EYS: variants seen among roughly 807,000 people sequenced by gnomAD.
EYS encodes the protein EGF-like photoreceptor maintenance factor.
A neutral mutation model predicts 282.1 loss-of-function variants in EYS; 250 were observed. That is an observed-to-expected ratio of 0.89 (90% CI 0.80 to 0.98). The LOEUF is 0.98. Among genes scored for constraint, EYS ranks in the 50% least tolerant of loss-of-function variants. The pLI is 0.00. For missense variants in EYS, 4,016 were observed against 3,709.0 expected, an observed-to-expected ratio of 1.08 and a Z score of -2.15; for synonymous variants, 1,355 against 1,282.9, an observed-to-expected ratio of 1.06 and a Z score of -1.20.
chr6:65,041,119 C>G (rs2150149166), intron 13 of EYS, among the ~76,000 whole-genome samples: 1 of 151,754 alleles, frequency 6.6e-6, no homozygotes, highest in African/African-American at 2.4e-5. Flanking sequence ...ATCTGCTCAT[C>G]CATATTCTCA....
intron 29 of EYS, among the ~76,000 whole-genome samples, chr6:64,370,596 T>C (rs975764017): frequency 2.0e-5 from 3 of 152,168 alleles, no homozygotes; most frequent in African/African-American, 7.2e-5. Context: ...GTATTAATAG[T>C]ACCAGCTCTT....
At position 64,590,522 on chromosome 6, in the gene EYS, G is replaced by A. The variant is rs1398903802; in HGVS notation, c.5345C>T (p.Pro1782Leu). 6.4e-7 allele frequency: 1 copy of A among 1,551,418 alleles called. No individual in the cohort carries two copies. Among genetic ancestry groups the A allele is most frequent in the Non-Finnish European group, 8.7e-7 (1 of 1,146,818 alleles). Residue 1782 changes from proline to leucine, a missense_variant, in exon 26 of 43, where the codon CCT becomes CTT. Transcript: ENST00000503581. ...ATTGGTGGTGACTTCTGAAAAATCAGGCACTGAGCCTGTCAATGGTGGCAG... is the reference window on the plus strand; with the variant it reads ...ATTGGTGGTGACTTCTGAAAAATCAAGCACTGAGCCTGTCAATGGTGGCAG... ...NNLPPLTGSV[P>L]DFSEVTTNVA...
At chr6:64,635,412 G>A (rs1767939784) in intron 22 of EYS, among the ~76,000 whole-genome samples, 1 of 152,144 alleles carries the variant, frequency 6.6e-6, no homozygotes, top group Non-Finnish European at 1.5e-5. Flanking sequence ...GTTTTCAAAG[G>A]GAATGCTTCC....
chr6:65,365,166 G>A (rs11751486), intron 8 of EYS, among the ~76,000 whole-genome samples: 102,736 of 151,414 alleles, frequency 0.68, 35,094 homozygotes, highest in South Asian at 0.71. Context: ...TGTTCTTATA[G>A]CAGAAGTAAG....
intron 14 of EYS, among the ~76,000 whole-genome samples, chr6:64,978,663 G>C (rs1770553069): frequency 6.6e-6 from 1 of 151,908 alleles, no homozygotes; most frequent in African/African-American, 2.4e-5. Context: ...TTCTGGAAAA[G>C]ATTCACAATT....
chr6:63,904,880 T>C (rs1009141470), intron 35 of EYS, among the ~76,000 whole-genome samples: 1 of 152,264 alleles, frequency 6.6e-6, no homozygotes, highest in Non-Finnish European at 1.5e-5. Flanking sequence ...AGGCCTCTTT[T>C]GCATCTGTGG....
At chr6:64,422,061 C>T (rs1774253277) in intron 28 of EYS, among the ~76,000 whole-genome samples, 1 of 152,018 alleles carries the variant, frequency 6.6e-6, no homozygotes, top group African/African-American at 2.4e-5. Flanking sequence ...AAGGACAGCA[C>T]CTTACAACAA....
chr6:64,988,433 G>T (rs2150120852), intron 14 of EYS, among the ~76,000 whole-genome samples: 1 of 151,660 alleles, frequency 6.6e-6, no homozygotes, highest in Non-Finnish European at 1.5e-5. Flanking sequence ...CTGGGCATGA[G>T]TATAGACTCT....
intron 1 of EYS, among the ~76,000 whole-genome samples, chr6:65,684,164 T>C (rs568038427): frequency 1.3e-5 from 2 of 152,128 alleles, no homozygotes; most frequent in East Asian, 1.9e-4. Flanking sequence ...ATTTATTGTC[T>C]TCAAATTCTG....
At position 64,591,873 on chromosome 6, in the gene EYS, C is replaced by A; in HGVS notation, c.3994G>T (p.Glu1332Ter). 6.4e-7 allele frequency: 1 copy of A among 1,551,126 alleles called. No individual in the cohort carries two copies. The highest frequency in any genetic ancestry group is 1.2e-5 in the South Asian group (1 of 84,034). Residue 1332 changes from glutamate (E) to a stop codon, truncating the protein, a stop_gained, in exon 26 of 43, where the codon GAG becomes TAG. Coordinates refer to ENST00000503581, the MANE Select transcript of EYS (RefSeq NM_001142800.2). LOFTEE classifies it high-confidence loss of function. ...YLLQELIVTR[E>*]LSAKHSLLSS... ...AGAAGACTGTGTTTTGCTGAAAGCTCTCTAGTGACAATCAGTTCTTGGAGT... is the reference window on the plus strand; with the variant it reads ...AGAAGACTGTGTTTTGCTGAAAGCTATCTAGTGACAATCAGTTCTTGGAGT...
At chr6:64,734,331 TA>T (rs1183928737) in intron 22 of EYS, among the ~76,000 whole-genome samples, 3 of 152,184 alleles carry the variant, frequency 2.0e-5, no homozygotes, top group African/African-American at 7.2e-5. Context: ...AGCATGTTTT[TA>T]TTTTTTTTTT....
In EYS at chr6:65,305,293, G is replaced by A. The variant is rs544283600; in HGVS notation, c.1767-9174C>T. Among the ~76,000 whole-genome samples, 3 of 152,276 alleles carry A rather than the reference G, an allele frequency of 2.0e-5. No individual in the cohort carries two copies. In the South Asian group the frequency reaches 6.2e-4, roughly 32 times the overall value. On this transcript the variant is annotated intron_variant, in intron 11 of 42. Coordinates refer to ENST00000503581, the MANE Select transcript of EYS (RefSeq NM_001142800.2). ...CTCCTTGAGGTGTTTGTCAGTTTTGGCTTTTTTCTCCTTTGTTGTATTCTT... is the reference window on the plus strand; with the variant it reads ...CTCCTTGAGGTGTTTGTCAGTTTTGACTTTTTTCTCCTTTGTTGTATTCTT...
chr6:63,826,844 G>GCAAAAAAAAAAAAAAAAAAAAAA (rs1771474910), intron 36 of EYS, among the ~76,000 whole-genome samples: 1 of 6,110 alleles, frequency 1.6e-4, no homozygotes, highest in Non-Finnish European at 3.3e-4. Flanking sequence ...AAGTTAAAAA[G>GCAAAAAAAAAAAAAAAAAAAAAA]CAAAAAAAAA....
chr6:63,855,502 G>T (rs970398139), intron 36 of EYS, among the ~76,000 whole-genome samples: 6 of 152,154 alleles, frequency 3.9e-5, no homozygotes, highest in Admixed American at 1.3e-4. Flanking sequence ...CTAAGTATAG[G>T]TGTAGTAGTA....
intron 13 of EYS, among the ~76,000 whole-genome samples, chr6:64,998,459 T>C (rs2150126279): frequency 6.6e-6 from 1 of 152,324 alleles, no homozygotes; most frequent in East Asian, 1.9e-4. Flanking sequence ...GCTTAGGTCT[T>C]CAGTGGCAAC....
chr6:64,889,922 T>C (rs2150065121), intron 18 of EYS, among the ~76,000 whole-genome samples: 1 of 152,086 alleles, frequency 6.6e-6, no homozygotes, highest in East Asian at 1.9e-4. Context: ...GTGAGCTGGG[T>C]GGAACGGAGC....
chr6:64,316,680 A>G (rs1034968245), intron 29 of EYS, among the ~76,000 whole-genome samples: 2 of 152,176 alleles, frequency 1.3e-5, no homozygotes, highest in African/African-American at 2.4e-5. Flanking sequence ...TCAAGCTACC[A>G]TTGATTTTCT....
chr6:63,941,260 C>G (rs183388429), intron 35 of EYS, among the ~76,000 whole-genome samples: 1 of 152,342 alleles, frequency 6.6e-6, no homozygotes, highest in East Asian at 1.9e-4. Flanking sequence ...AATCACCACA[C>G]TGACTTCCAC....
intron 28 of EYS, among the ~76,000 whole-genome samples, chr6:64,426,503 C>G (rs1376523291): frequency 6.6e-6 from 1 of 151,874 alleles, no homozygotes; most frequent in Non-Finnish European, 1.5e-5. Context: ...TATAAGATCT[C>G]GAGAGGTGCT....
Sources: gnomAD v4.1 joint callset for allele counts (sites outside exome capture counted in the v4.1 genomes callset) on GRCh38, gnomAD v4.1.1 for gene constraint, MANE v1.5 for transcripts, NCBI Gene and HGNC (gene_info 2026-07-23, HGNC 2026-07-21) for gene names.